DNMBP: variants seen among roughly 807,000 people sequenced by gnomAD.
The protein encoded by DNMBP is dynamin binding protein.
Under a neutral mutation model 150.0 loss-of-function variants are expected in DNMBP, and 87 were observed. The observed-to-expected ratio is 0.58, with a 90% confidence interval of 0.49 to 0.69. The LOEUF (loss-of-function observed/expected upper bound fraction) is 0.69. Among genes scored for constraint, DNMBP ranks in the 30% least tolerant of loss-of-function variants. DNMBP has a pLI of 0.00. For synonymous variants in DNMBP, 711 were observed against 750.4 expected (o/e 0.95, Z 0.86); for missense variants, 1,774 against 1,949.0 (o/e 0.91, Z 1.69).
rs1332627446 is a variant in DNMBP, at chr10:99,957,188, C to G, written c.286G>C (p.Asp96His). 6.2e-7 allele frequency: 1 copy of G among 1,603,118 alleles called. No homozygotes were observed. Among genetic ancestry groups the G allele is most frequent in the Non-Finnish European group, 8.5e-7 (1 of 1,179,376 alleles). ...PLHRGDLVIL[D>H]GIPTAGWLQG... ...AGCCAGCCTGCAGTGGGAATGCCATCGAGAATCACCAGGTCACCTAAAGAA... is the reference window on the plus strand; with the variant it reads ...AGCCAGCCTGCAGTGGGAATGCCATGGAGAATCACCAGGTCACCTAAAGAA... Residue 96 changes from aspartate to histidine, a missense_variant, in exon 4 of 17, where the codon GAT becomes CAT. By Grantham distance (81) the Asp-to-His change is moderately conservative (BLOSUM62 -1). Coordinates refer to ENST00000324109, the MANE Select transcript of DNMBP (RefSeq NM_015221.4).
intron 1 of DNMBP, among the ~76,000 whole-genome samples, chr10:99,976,838 G>A (rs1316665420): frequency 6.6e-6 from 1 of 150,656 alleles, no homozygotes; most frequent in Non-Finnish European, 1.5e-5. Flanking sequence ...CCATCTAGAT[G>A]TTTATGTTAT....
intron 3 of DNMBP, among the ~76,000 whole-genome samples, chr10:99,966,841 C>T (rs12263492): frequency 7.9e-5 from 12 of 151,888 alleles, no homozygotes; most frequent in Non-Finnish European, 1.3e-4. Context: ...AGTGTAGTGG[C>T]GTAAACACAG....
At chr10:99,999,234 G>A (rs957233840) in intron 1 of DNMBP, among the ~76,000 whole-genome samples, 1 of 152,204 alleles carries the variant, frequency 6.6e-6, no homozygotes, top group Non-Finnish European at 1.5e-5. Flanking sequence ...GACCACTATG[G>A]CAAGACGGTT....
intron 6 of DNMBP, among the ~76,000 whole-genome samples, chr10:99,906,542 G>A (rs529814877): frequency 6.6e-6 from 1 of 152,294 alleles, no homozygotes; most frequent in South Asian, 2.1e-4. Flanking sequence ...AAGACTCTGT[G>A]GCTCCTGTCT....
chr10:99,895,011 G>A lies in DNMBP; in HGVS notation c.3091C>T (p.Arg1031Ter), dbSNP rs756073047. ...EVFEETEKNF[R>*]MQERLIKSFI... ...GACTTAATCAATCTTTCTTGCATTC[G>A]GAAGTTTTTTTCTGTTTCTTCAAAT... Residue 1031 changes from arginine (R) to a stop codon, truncating the protein, a stop_gained, in exon 11 of 17, where the codon CGA (arginine) becomes TGA (stop). Coordinates refer to ENST00000324109, the MANE Select transcript of DNMBP (RefSeq NM_015221.4). LOFTEE classifies it high-confidence loss of function. The A allele has an allele frequency of 5.6e-6, 9 of 1,613,432 alleles. No homozygotes were observed. The highest frequency in any genetic ancestry group is 2.2e-5 in the East Asian group (1 of 44,888).
chr10:99,999,134 G>C (rs2040984076), intron 1 of DNMBP, among the ~76,000 whole-genome samples: 1 of 152,186 alleles, frequency 6.6e-6, no homozygotes, highest in South Asian at 2.1e-4. Context: ...GTGCTGGTGA[G>C]TTAGTCTCGC....
In DNMBP at chr10:99,999,618, C is replaced by A. The variant is rs540154527; in HGVS notation, c.-11+10220G>T. 7.2e-5 allele frequency among the ~76,000 whole-genome samples: 11 copies of A among 152,270 alleles called. No individual in the cohort carries two copies. The East Asian group carries it at 2.1e-3, about 29-fold the overall frequency. ...GCCCACATTCACATAGCTTTTATTA[C>A]AATATAGTGTTATAAGTATTCTATT... On this transcript the variant is annotated intron_variant, in intron 1 of 16. Transcript: ENST00000324109.
Position 99,955,546 on chromosome 10 carries a change from C to A in DNMBP, c.1928G>T (p.Arg643Leu). Residue 643 changes from arginine to leucine, a missense_variant, in exon 4 of 17, where the codon CGC (arginine) becomes CTC (leucine). By Grantham distance (102) the Arg-to-Leu change is moderately radical. This residue lies in a region of DNMBP where 1,430 missense variants were observed against 1,492.5 expected (regional missense o/e 0.96). Transcript: ENST00000324109. ...TGCTGAGGGAGGCAGGGGAGCTGGGCGAGAGGGTCGCACCACCAAGGGTGG... is the reference window on the plus strand; with the variant it reads ...TGCTGAGGGAGGCAGGGGAGCTGGGAGAGAGGGTCGCACCACCAAGGGTGG... ...PAPPLVVRPSRPAPLPPSAQQ... is the reference protein window; with the variant it reads ...PAPPLVVRPSLPAPLPPSAQQ... 1 of 1,598,388 alleles carries A rather than the reference C, an allele frequency of 6.3e-7. No individual in the cohort carries two copies.
chr10:99,924,057 G>T (rs1036600098), intron 4 of DNMBP, among the ~76,000 whole-genome samples: 2 of 152,184 alleles, frequency 1.3e-5, no homozygotes, highest in Admixed American at 1.3e-4. Flanking sequence ...GGGAGGCTGA[G>T]ACAGGAGAAT....
chr10:99,962,481 G>A (rs567027905), intron 3 of DNMBP, among the ~76,000 whole-genome samples: 3 of 152,030 alleles, frequency 2.0e-5, no homozygotes, highest in South Asian at 2.1e-4. Context: ...ATTACAAAAC[G>A]TTAGCCGGGT....
In DNMBP at chr10:99,880,233, G is replaced by C. The variant is rs375209058; in HGVS notation, c.4126C>G (p.Arg1376Gly). ...GTCAGGGTGCTGCCGCTGTTCTGGC[G>C]TGGGAACCTGGGGGAGGAGCTGCCG... ...EHGSSSPRFPRQNSGSTLTFN... is the reference protein window; with the variant it reads ...EHGSSSPRFPGQNSGSTLTFN... The change falls in exon 16 of 17, where the codon CGC (arginine) becomes GGC (glycine). Residue 1376 changes from arginine to glycine, a missense_variant. Coordinates refer to ENST00000324109, the MANE Select transcript of DNMBP (RefSeq NM_015221.4). 3 of 1,614,044 alleles carry C rather than the reference G, an allele frequency of 1.9e-6. No homozygotes were observed. The highest frequency in any genetic ancestry group is 1.3e-5 in the African/African-American group (1 of 74,930).
intron 1 of DNMBP, among the ~76,000 whole-genome samples, chr10:100,009,456 A>T (rs1416456071): frequency 6.6e-6 from 1 of 152,258 alleles, no homozygotes; most frequent in East Asian, 1.9e-4. Flanking sequence ...CTGTAAAATC[A>T]GCGGGGTGGA....
At chr10:99,962,481 G>T (rs567027905) in intron 3 of DNMBP, among the ~76,000 whole-genome samples, 53 of 152,150 alleles carry the variant, frequency 3.5e-4, no homozygotes, top group Admixed American at 1.4e-3. Flanking sequence ...ATTACAAAAC[G>T]TTAGCCGGGT....
At chr10:99,926,228 A>G (rs2040076434) in intron 4 of DNMBP, among the ~76,000 whole-genome samples, 1 of 152,162 alleles carries the variant, frequency 6.6e-6, no homozygotes, top group South Asian at 2.1e-4. Flanking sequence ...CATTGTACTA[A>G]TCTCCCTACT....
chr10:99,949,581 T>C (rs1332521175), intron 4 of DNMBP, among the ~76,000 whole-genome samples: 1 of 152,218 alleles, frequency 6.6e-6, no homozygotes, highest in East Asian at 1.9e-4. Context: ...AATTTTATCA[T>C]ATTAGCAATA....
chr10:99,954,743 T>A (rs1273868204), intron 4 of DNMBP, among the ~76,000 whole-genome samples: 9 of 60,014 alleles, frequency 1.5e-4, no homozygotes, highest in South Asian at 5.4e-4. Flanking sequence ...AAACTCTGTC[T>A]CAAAAAAAAA....
Position 99,909,459 on chromosome 10 carries a change from A to C in DNMBP, c.2261-313T>G, listed in dbSNP as rs61574041. ...AAAGAGGTTAGAGGGGTCTGACCTT[A>C]TAAGACTTGCTTTCACTTAATCAGA... On this transcript the variant is annotated intron_variant, in intron 4 of 16. Coordinates refer to ENST00000324109, the MANE Select transcript of DNMBP (RefSeq NM_015221.4). Among the ~76,000 whole-genome samples, 178 of 152,352 alleles carry C rather than the reference A, an allele frequency of 1.2e-3. 1 individual carries two copies. Among genetic ancestry groups the C allele is most frequent in the African/African-American group, 4.2e-3 (174 of 41,594 alleles).
intron 1 of DNMBP, among the ~76,000 whole-genome samples, chr10:100,004,723 C>T (rs767733780): frequency 5.9e-5 from 9 of 151,992 alleles, no homozygotes; most frequent in Non-Finnish European, 8.8e-5. Flanking sequence ...AAACATAAAC[C>T]GCAAGTCAAA....
At chr10:99,915,108 A>ATATATATATAT (rs1554863106) in intron 4 of DNMBP, among the ~76,000 whole-genome samples, 1 of 99,802 alleles carries the variant, frequency 1.0e-5, no homozygotes, top group Admixed American at 1.3e-4. Context: ...AAAAAAAAAA[A>ATATATATATAT]ATATATATAT....
Sources: gnomAD v4.1 joint callset for allele counts (sites outside exome capture counted in the v4.1 genomes callset) on GRCh38, gnomAD v4.1.1 for gene constraint, gnomAD v4.1.1 regional missense constraint, MANE v1.5 for transcripts, NCBI Gene and HGNC (gene_info 2026-07-23, HGNC 2026-07-21) for gene names.